Variants in ARHGAP15 observed in about 807,000 individuals in gnomAD.
ARHGAP15 encodes rho GTPase-activating protein 15.
Under a neutral mutation model 63.7 loss-of-function variants are expected in ARHGAP15, and 51 were observed. That is an observed-to-expected ratio of 0.80 (90% CI 0.64 to 1.01). The LOEUF is 1.01. ARHGAP15 is among the 50% of genes least tolerant of loss of function. The pLI, the probability that ARHGAP15 is intolerant of heterozygous loss-of-function variation, is 0.00. For synonymous variants in ARHGAP15, 191 were observed against 193.8 expected (o/e 0.99, Z 0.12); for missense variants, 560 against 564.6 (o/e 0.99, Z 0.08).
chr2:143,328,989 T>C (rs1040450937), intron 6 of ARHGAP15, among the ~76,000 whole-genome samples: 2 of 152,182 alleles, frequency 1.3e-5, no homozygotes, highest in African/African-American at 4.8e-5. Context: ...AAAAATTAAG[T>C]TTTTTAAAAA....
intron 6 of ARHGAP15, among the ~76,000 whole-genome samples, chr2:143,260,192 A>G (rs899920760): frequency 6.6e-6 from 1 of 152,214 alleles, no homozygotes; most frequent in African/African-American, 2.4e-5. Context: ...AATATTATTC[A>G]GTTCACATCG....
At chr2:143,473,885 C>T (rs958215225) in intron 8 of ARHGAP15, among the ~76,000 whole-genome samples, 5 of 152,074 alleles carry the variant, frequency 3.3e-5, no homozygotes, top group African/African-American at 1.2e-4. Context: ...TTTTGGAGGC[C>T]TTTAAAACCC....
intron 10 of ARHGAP15, 64 bp from the exon 11 acceptor site, chr2:143,556,344 G>A: frequency 7.9e-7 from 1 of 1,269,454 alleles, no homozygotes; most frequent in Non-Finnish European, 1.1e-6. Flanking sequence ...TCTTTTCATA[G>A]ATTTTTTTTA....
intron 6 of ARHGAP15, among the ~76,000 whole-genome samples, chr2:143,317,099 T>C (rs1203286854): frequency 6.6e-6 from 1 of 152,210 alleles, no homozygotes; most frequent in Non-Finnish European, 1.5e-5. Context: ...GTGGTCCTCA[T>C]CACTCTTTGT....
chr2:143,138,051 T>C (rs1222869285), intron 1 of ARHGAP15, among the ~76,000 whole-genome samples: 5 of 152,114 alleles, frequency 3.3e-5, no homozygotes, highest in Admixed American at 1.3e-4. Context: ...CTATAGTTGT[T>C]ACCAAAACTA....
At chr2:143,766,882 T>C (rs1444976457) in intron 13 of ARHGAP15, 3 of 152,176 alleles carry the variant, frequency 2.0e-5, no homozygotes, top group Non-Finnish European at 4.4e-5. Flanking sequence ...CCAGTCTTTC[T>C]GCCACCTGTA....
At chr2:143,475,806 A>G (rs1338808646) in intron 8 of ARHGAP15, among the ~76,000 whole-genome samples, 3 of 152,266 alleles carry the variant, frequency 2.0e-5, no homozygotes, top group African/African-American at 4.8e-5. Context: ...TGTCTAGAAC[A>G]TTCAAGTAAA....
intron 6 of ARHGAP15, among the ~76,000 whole-genome samples, chr2:143,270,342 T>C (rs1681211094): frequency 6.6e-6 from 1 of 152,268 alleles, no homozygotes; most frequent in Non-Finnish European, 1.5e-5. Context: ...TGTTTTGCTT[T>C]GAATATGATC....
At chr2:143,177,111 A>G (rs1263434022) in intron 2 of ARHGAP15, among the ~76,000 whole-genome samples, 1 of 152,230 alleles carries the variant, frequency 6.6e-6, no homozygotes, top group Non-Finnish European at 1.5e-5. Flanking sequence ...CACAGTGAGG[A>G]GTATTGTGAA....
intron 13 of ARHGAP15, among the ~76,000 whole-genome samples, chr2:143,711,740 G>T (rs1299092576): frequency 6.6e-6 from 1 of 152,072 alleles, no homozygotes; most frequent in East Asian, 1.9e-4. Flanking sequence ...ATCAGCCTGG[G>T]CAACATAGTG....
At chr2:143,333,863 G>A (rs779230980) in intron 6 of ARHGAP15, among the ~76,000 whole-genome samples, 4 of 152,180 alleles carry the variant, frequency 2.6e-5, no homozygotes, top group Admixed American at 6.5e-5. Flanking sequence ...GAATTTTTCC[G>A]TGGAGAGTTT....
At chr2:143,444,782 TGC>T (rs1178088681) in intron 8 of ARHGAP15, among the ~76,000 whole-genome samples, 4 of 152,190 alleles carry the variant, frequency 2.6e-5, no homozygotes, top group African/African-American at 4.8e-5. Flanking sequence ...AATCAGATAT[TGC>T]TTTCACCCAA....
chr2:143,668,804 C>A (rs762171519), intron 12 of ARHGAP15, among the ~76,000 whole-genome samples: 3 of 152,176 alleles, frequency 2.0e-5, no homozygotes, highest in Non-Finnish European at 4.4e-5. Context: ...CAATGAAACT[C>A]TTCAAGAATT....
chr2:143,584,579 T>A (rs1469124221), intron 11 of ARHGAP15, among the ~76,000 whole-genome samples: 1 of 152,044 alleles, frequency 6.6e-6, no homozygotes, highest in Non-Finnish European at 1.5e-5. Context: ...TGATCCAAGA[T>A]CATGCCACTG....
intron 6 of ARHGAP15, among the ~76,000 whole-genome samples, chr2:143,269,917 G>A (rs1016237191): frequency 6.6e-6 from 1 of 152,068 alleles, no homozygotes; most frequent in African/African-American, 2.4e-5. Context: ...AGGTACATAT[G>A]TTTTGTTGAG....
rs1359381398 is a variant in ARHGAP15 at position 143,155,663 on chromosome 2, A to T, written c.165+8A>T. The T allele has an allele frequency of 5.8e-6, 9 of 1,540,728 alleles. No homozygotes were observed. Among genetic ancestry groups the T allele is most frequent in the Non-Finnish European group, 7.8e-6 (9 of 1,149,636 alleles). ...GGGAAGGTCACTGAACCTGTAAGTCAAATACCCCAAATATCCCAAGTTCCT... is the reference window on the plus strand; with the variant it reads ...GGGAAGGTCACTGAACCTGTAAGTCTAATACCCCAAATATCCCAAGTTCCT... On this transcript the variant is annotated splice_region_variant and intron_variant, in intron 2 of 13. Transcript: ENST00000295095.
chr2:143,220,069 C>T (rs1294521393), intron 4 of ARHGAP15, among the ~76,000 whole-genome samples: 1 of 151,952 alleles, frequency 6.6e-6, no homozygotes, highest in Non-Finnish European at 1.5e-5. Flanking sequence ...CATGATAATC[C>T]CATTATGTTG....
chr2:143,403,998 T>C (rs1688096087), intron 6 of ARHGAP15, among the ~76,000 whole-genome samples: 1 of 151,794 alleles, frequency 6.6e-6, no homozygotes, highest in South Asian at 2.1e-4. Context: ...AGATTGCAAT[T>C]TCTCTAGTTT....
At chr2:143,469,935 A>G (rs561002072) in intron 8 of ARHGAP15, among the ~76,000 whole-genome samples, 1 of 151,770 alleles carries the variant, frequency 6.6e-6, no homozygotes, top group Non-Finnish European at 1.5e-5. Flanking sequence ...AAGAACCTCA[A>G]TCTGACTCTC....
Sources: gnomAD v4.1 joint callset for allele counts (sites outside exome capture counted in the v4.1 genomes callset) on GRCh38, gnomAD v4.1.1 for gene constraint, MANE v1.5 for transcripts, NCBI Gene and HGNC (gene_info 2026-07-23, HGNC 2026-07-21) for gene names.